Variants in SUGCT observed in about 807,000 individuals in gnomAD.
SUGCT encodes succinyl-CoA:glutarate CoA-transferase.
In SUGCT, 41 loss-of-function variants were observed where a neutral mutation model predicts 55.0. The observed-to-expected ratio is 0.74, with a 90% CI of 0.58 to 0.97. The LOEUF (loss-of-function observed/expected upper bound fraction) is 0.97, where lower values mean the gene tolerates loss of function less well. Ranked by LOEUF, SUGCT falls within the 50% of genes least tolerant of loss-of-function variation. SUGCT has a pLI of 0.00. For missense variants in SUGCT, 568 were observed against 547.8 expected, an observed-to-expected ratio of 1.04 and a Z score of -0.37; for synonymous variants, 187 against 200.4, an observed-to-expected ratio of 0.93 and a Z score of 0.56.
At chr7:40,960,185 A>G in the SUGCT span, among the ~76,000 whole-genome samples, 1 of 152,168 alleles carries the variant, frequency 6.6e-6, no homozygotes, top group African/African-American at 2.4e-5. Flanking sequence ...TGTGATGATC[A>G]ATAGATTTTG....
intron 7 of SUGCT, among the ~76,000 whole-genome samples, chr7:40,256,231 G>T (rs768021966): frequency 6.6e-6 from 1 of 152,140 alleles, no homozygotes; most frequent in Non-Finnish European, 1.5e-5. Context: ...ACATTTTTGG[G>T]TTGTGGATTA....
At chr7:40,557,924 C>A (rs1795640658) in intron 12 of SUGCT, among the ~76,000 whole-genome samples, 1 of 151,782 alleles carries the variant, frequency 6.6e-6, no homozygotes, top group Non-Finnish European at 1.5e-5. Context: ...AAACAAATAA[C>A]CCAGTTAAAA....
chr7:40,348,271 G>C (rs1286153670), intron 9 of SUGCT, among the ~76,000 whole-genome samples: 1 of 152,202 alleles, frequency 6.6e-6, no homozygotes, highest in Non-Finnish European at 1.5e-5. Context: ...CAGTCAGGTG[G>C]TTAGACCTGG....
intron 12 of SUGCT, among the ~76,000 whole-genome samples, chr7:40,746,561 C>T (rs1168511066): frequency 2.6e-5 from 4 of 152,260 alleles, no homozygotes; most frequent in African/African-American, 4.8e-5. Flanking sequence ...TTGCTTAAAA[C>T]GGAATGGTTT....
intron 12 of SUGCT, among the ~76,000 whole-genome samples, chr7:40,624,261 C>T (rs997202213): frequency 6.6e-6 from 1 of 152,136 alleles, no homozygotes; most frequent in Non-Finnish European, 1.5e-5. Context: ...CTTTCTCCAC[C>T]AGGACCTTTT....
At chr7:40,195,180 T>C (rs1786175057) in intron 6 of SUGCT, 120 bp downstream of exon 6, 2 of 1,169,100 alleles carry the variant, frequency 1.7e-6, no homozygotes, top group Non-Finnish European at 2.3e-6. Context: ...TTTTCCTTTT[T>C]CCAAGGCCGT....
intron 12 of SUGCT, among the ~76,000 whole-genome samples, chr7:40,612,656 G>C (rs1351491555): frequency 6.6e-6 from 1 of 152,142 alleles, no homozygotes; most frequent in African/African-American, 2.4e-5. Flanking sequence ...TTTCTCATCT[G>C]TATAGTGGGA....
chr7:40,841,191 C>T (rs1349571334), intron 13 of SUGCT, among the ~76,000 whole-genome samples: 1 of 151,738 alleles, frequency 6.6e-6, no homozygotes, highest in Non-Finnish European at 1.5e-5. Flanking sequence ...TAAAATTTTG[C>T]TGACACAGAC....
chr7:40,739,533 A>G (rs1363231071), intron 12 of SUGCT, among the ~76,000 whole-genome samples: 1 of 152,018 alleles, frequency 6.6e-6, no homozygotes, highest in Non-Finnish European at 1.5e-5. Context: ...CCTAAATTTT[A>G]TAGTTACCAT....
chr7:40,386,072 A>T (rs1431186415), intron 9 of SUGCT, among the ~76,000 whole-genome samples: 1 of 152,172 alleles, frequency 6.6e-6, no homozygotes, highest in Non-Finnish European at 1.5e-5. Flanking sequence ...TGTCTTGGGG[A>T]CAGAAGGATG....
At position 40,225,369 on chromosome 7, in the gene SUGCT, C is replaced by A. The variant is rs190751978; in HGVS notation, c.485-12266C>A. Among the ~76,000 whole-genome samples, 8 of 151,792 alleles carry A rather than the reference C, an allele frequency of 5.3e-5. No homozygotes were observed. In the East Asian group the frequency reaches 1.5e-3, roughly 29 times the overall value. On this transcript the variant is annotated intron_variant, in intron 6 of 13. Coordinates refer to ENST00000335693, the MANE Select transcript of SUGCT (RefSeq NM_001193313.2). ...TTTCTGTGGTAGAGATTGAGGGGTC[C>A]AACTTCAAAGGTTATTGATGTAGTA...
intron 1 of SUGCT, among the ~76,000 whole-genome samples, chr7:40,156,063 G>A (rs1783878512): frequency 6.6e-6 from 1 of 151,914 alleles, no homozygotes; most frequent in East Asian, 2.0e-4. Context: ...CACCATGTTG[G>A]CCAGGCTGGT....
intron 13 of SUGCT, among the ~76,000 whole-genome samples, chr7:40,758,110 A>G (rs1014386064): frequency 1.3e-5 from 2 of 151,826 alleles, no homozygotes; most frequent in Non-Finnish European, 2.9e-5. Flanking sequence ...TTTGCCTCCA[A>G]GTGGCTTCAG....
intron 9 of SUGCT, among the ~76,000 whole-genome samples, chr7:40,335,605 T>G (rs1324044187): frequency 1.3e-5 from 2 of 152,232 alleles, no homozygotes; most frequent in Non-Finnish European, 2.9e-5. Context: ...TTTTGTATCC[T>G]GAGACTTTGC....
In SUGCT at chr7:40,303,025, G is replaced by A. The variant is rs1282710865; in HGVS notation, c.721-13735G>A. On this transcript the variant is annotated intron_variant, in intron 8 of 13. Coordinates refer to ENST00000335693, the MANE Select transcript of SUGCT (RefSeq NM_001193313.2). Reference sequence around the variant, plus strand: ...TCTAGCATATTTCTTCACCAAGAAAGCCATTTTTTTTCTTTTTCTTTTTTT... The same window carrying A: ...TCTAGCATATTTCTTCACCAAGAAAACCATTTTTTTTCTTTTTCTTTTTTT... 3.9e-5 allele frequency among the ~76,000 whole-genome samples: 6 copies of A among 151,944 alleles called. No individual in the cohort carries two copies. In the South Asian group the frequency reaches 6.2e-4, roughly 16 times the overall value.
chr7:40,736,329 T>C (rs964597799), intron 12 of SUGCT, among the ~76,000 whole-genome samples: 2 of 147,884 alleles, frequency 1.4e-5, no homozygotes, highest in Admixed American at 6.8e-5. Context: ...ACATTATATA[T>C]ACATTTATGT....
At chr7:40,828,219 C>T (rs1245981932) in intron 13 of SUGCT, among the ~76,000 whole-genome samples, 1 of 152,206 alleles carries the variant, frequency 6.6e-6, no homozygotes, top group East Asian at 1.9e-4. Context: ...CTCATCAGTT[C>T]ATGAGTCAAG....
At chr7:40,189,749 TG>T (rs781757090) in intron 5 of SUGCT, among the ~76,000 whole-genome samples, 155 bp downstream of exon 5, 86 of 152,292 alleles carry the variant, frequency 5.6e-4, no homozygotes, top group Non-Finnish European at 1.1e-3. Context: ...TATACTTCTT[TG>T]TAAGTGTGAT....
chr7:40,536,350 G>C (rs560196687), intron 12 of SUGCT, among the ~76,000 whole-genome samples: 1 of 151,536 alleles, frequency 6.6e-6, no homozygotes, highest in South Asian at 2.1e-4. Flanking sequence ...CTCTGAGACA[G>C]GCAGGGAGAA....
Sources: gnomAD v4.1 joint callset for allele counts (sites outside exome capture counted in the v4.1 genomes callset) on GRCh38, gnomAD v4.1.1 for gene constraint, MANE v1.5 for transcripts, NCBI Gene and HGNC (gene_info 2026-07-23, HGNC 2026-07-21) for gene names.